MTG2: variants seen among roughly 807,000 people sequenced by gnomAD.
MTG2 encodes the protein mitochondrial ribosome-associated GTPase 2.
In MTG2, 23 loss-of-function variants were observed where a neutral mutation model predicts 28.6. That is an observed-to-expected ratio of 0.80 (90% CI 0.58 to 1.14). MTG2 has a LOEUF of 1.14. Ranked by LOEUF, MTG2 falls within the 50% of genes most tolerant of loss-of-function variation. The pLI is 0.00. For missense variants in MTG2, 539 were observed against 552.0 expected (o/e 0.98, Z 0.24); for synonymous variants, 260 against 251.8 (o/e 1.03, Z -0.31).
intron 1 of MTG2, among the ~76,000 whole-genome samples, chr20:62,185,363 GATC>G (rs1381065885): frequency 6.6e-6 from 1 of 152,126 alleles, no homozygotes; most frequent in East Asian, 1.9e-4. Context: ...AGTGAGCTGA[GATC>G]ATGCCACTGC....
intron 2 of MTG2, 61 bp from the exon 3 acceptor site, chr20:62,195,741 A>G (rs1056128439): frequency 1.9e-6 from 3 of 1,593,774 alleles, no homozygotes; most frequent in Non-Finnish European, 2.6e-6. Flanking sequence ...AAATGGATGC[A>G]TGGTGTCTTG....
At chr20:62,186,136 G>A (rs1268126618) in intron 1 of MTG2, among the ~76,000 whole-genome samples, 1 of 152,086 alleles carries the variant, frequency 6.6e-6, no homozygotes, top group East Asian at 1.9e-4. Context: ...AGCCCGAGTT[G>A]TTTTTCCCCA....
rs776112821 is a variant in MTG2, at chr20:62,200,934, C to T, written c.1078C>T (p.Arg360Trp). The T allele has an allele frequency of 2.7e-5, 43 of 1,613,948 alleles. No homozygotes were observed. In the East Asian group the frequency reaches 7.1e-4, roughly 27 times the overall value. ...PEAQANLSQL[R>W]DHLGQEVIVL... ...AGCCCAAGCCAATCTGTCCCAGCTC[C>T]GGGATCACTTGGGACAGGAGGTCAT... Residue 360 changes from arginine to tryptophan, a missense_variant, in exon 7 of 7, where the codon CGG becomes TGG. Arg to Trp is a moderately radical substitution (Grantham distance 101). Coordinates refer to ENST00000370823, the MANE Select transcript of MTG2 (RefSeq NM_015666.4).
chr20:62,185,250 A>G (rs1373529542), intron 1 of MTG2, among the ~76,000 whole-genome samples: 2 of 151,876 alleles, frequency 1.3e-5, no homozygotes, highest in Non-Finnish European at 2.9e-5. Flanking sequence ...TGTCTCTACT[A>G]AAAATACAAA....
intron 2 of MTG2, chr20:62,194,176 A>ATAT (rs768141952): frequency 6.6e-6 from 1 of 152,182 alleles, no homozygotes; most frequent in Non-Finnish European, 1.5e-5. Context: ...AAGCCTTATA[A>ATAT]GTTTTTCTTG....
At chr20:62,189,526 A>G (rs560041964) in intron 1 of MTG2, among the ~76,000 whole-genome samples, 3 of 151,308 alleles carry the variant, frequency 2.0e-5, no homozygotes, top group Admixed American at 6.6e-5. Flanking sequence ...GCTGGTCTCG[A>G]ACTCATGGCT....
chr20:62,199,186 C>T lies in MTG2; in HGVS notation c.755C>T (p.Ala252Val). Residue 252 changes from alanine to valine, a missense_variant, in exon 6 of 7, where the codon GCT becomes GTT. By Grantham distance (64) the Ala-to-Val change is moderately conservative (BLOSUM62 0). Coordinates refer to ENST00000370823, the MANE Select transcript of MTG2 (RefSeq NM_015666.4). ...RAISNARPAV[A>V]SYPFTTLKPH... Reference sequence around the variant, plus strand: ...ATTTCAAACGCCAGACCCGCCGTGGCTTCCTACCCGTTCACCACCCTGAAG... The same window carrying T: ...ATTTCAAACGCCAGACCCGCCGTGGTTTCCTACCCGTTCACCACCCTGAAG... The T allele has an allele frequency of 3.7e-6, 6 of 1,614,228 alleles. No individual in the cohort carries two copies. The highest frequency in any genetic ancestry group is 5.1e-6 in the Non-Finnish European group (6 of 1,180,046).
rs766139631 is a variant in MTG2, at chr20:62,198,734, A to T, written c.569A>T (p.Lys190Ile). The change falls in exon 5 of 7, where the codon AAA (lysine) becomes ATA (isoleucine). Residue 190 changes from lysine (K) to isoleucine (I), a missense_variant. By Grantham distance (102) the Lys-to-Ile change is moderately radical. Transcript: ENST00000370823. ...GCCGCGCTGGGCGGGGCAGGAGGGA[A>T]AGGCAACCGCTTCTTCCTGGCCAAC... ...YIAALGGAGG[K>I]GNRFFLANNN... The T allele has an allele frequency of 3.1e-6, 5 of 1,614,132 alleles. No homozygotes were observed. The highest frequency in any genetic ancestry group is 1.7e-5 in the Admixed American group (1 of 60,032).
chr20:62,193,428 C>T lies in MTG2; in HGVS notation c.8C>T (p.Pro3Leu), dbSNP rs868778442. ...TTGACTTCTGTAGGGGCCATGGCAC[C>T]TGCAAGGTGTTTCTCAGCAAGATTG... MA[P>L]ARCFSARLRT... is the part of the protein sequence containing the mutation. The change falls in exon 2 of 7, where the codon CCT becomes CTT. Residue 3 changes from proline (P) to leucine (L), a missense_variant. Transcript: ENST00000370823. The T allele has an allele frequency of 6.2e-7, 1 of 1,614,096 alleles. No individual in the cohort carries two copies. The highest frequency in any genetic ancestry group is 1.3e-5 in the African/African-American group (1 of 74,956).
chr20:62,201,112 C>T lies in MTG2; in HGVS notation c.*35C>T. 1 of 1,532,534 alleles carries T rather than the reference C, an allele frequency of 6.5e-7. No homozygotes were observed. The highest frequency in any genetic ancestry group is 8.7e-7 in the Non-Finnish European group (1 of 1,146,590). The allele number at this position is 1,532,534 out of a possible 1,614,324, so 94.9% of individuals were successfully genotyped here. On this transcript the variant is annotated 3_prime_UTR_variant, in exon 7 of 7. Transcript: ENST00000370823. ...AGCGGGGTCGCCTCTGGGCCTCTGT[C>T]TGAGCAAACCTGGGTGTGAATTCGG...
rs1225362468 is a variant in MTG2 at position 62,197,948 on chromosome 20, G to A, written c.449G>A (p.Gly150Asp). The change falls in exon 4 of 7, where the codon GGC (glycine) becomes GAC (aspartate). Residue 150 changes from glycine to aspartate, a missense_variant. Physicochemically the swap from Gly to Asp is moderately conservative, Grantham distance 94. Transcript: ENST00000370823. ...AGTAAAAACTGCTTCGGGCGCAGTG[G>A]CGCCGTCCTCTACATCCGGGTGAGC... The part of the protein sequence containing the change: ...GGSKNCFGRS[G>D]AVLYIRVPVG... The A allele has an allele frequency of 6.2e-7, 1 of 1,614,096 alleles. No homozygotes were observed. The highest frequency in any genetic ancestry group is 8.5e-7 in the Non-Finnish European group (1 of 1,179,966).
At chr20:62,184,282 T>C (rs1425095718) in intron 1 of MTG2, among the ~76,000 whole-genome samples, 1 of 151,642 alleles carries the variant, frequency 6.6e-6, no homozygotes, top group Non-Finnish European at 1.5e-5. Context: ...CGCTTGAACC[T>C]GGGAGGTGGA....
chr20:62,194,224 G>C (rs2058017831), intron 2 of MTG2, among the ~76,000 whole-genome samples: 1 of 152,014 alleles, frequency 6.6e-6, no homozygotes, highest in Non-Finnish European at 1.5e-5. Context: ...AGCATGAATT[G>C]TCTCTAATAA....
chr20:62,186,536 T>TG (rs1336489537), intron 1 of MTG2, among the ~76,000 whole-genome samples: 75 of 147,990 alleles, frequency 5.1e-4, no homozygotes, highest in African/African-American at 1.8e-3. Flanking sequence ...TTGTTTTTTT[T>TG]TTTTTTTTTT....
chr20:62,194,937 C>T (rs1035887234), intron 2 of MTG2, among the ~76,000 whole-genome samples: 1 of 152,256 alleles, frequency 6.6e-6, no homozygotes. Context: ...TGGCTCACGC[C>T]TGTAGTCCCA....
chr20:62,187,833 C>T (rs977207899), intron 1 of MTG2, among the ~76,000 whole-genome samples: 3 of 152,104 alleles, frequency 2.0e-5, no homozygotes, highest in African/African-American at 7.2e-5. Context: ...GTATTATTCT[C>T]CTCCTTCTAC....
At chr20:62,188,376 A>C (rs1349020573) in intron 1 of MTG2, among the ~76,000 whole-genome samples, 2 of 151,974 alleles carry the variant, frequency 1.3e-5, no homozygotes, top group African/African-American at 4.8e-5. Context: ...GCTCTGTCAC[A>C]CAGGCTGGAG....
chr20:62,197,137 C>G (rs1008785076), intron 3 of MTG2: 2 of 151,988 alleles, frequency 1.3e-5, no homozygotes, highest in Non-Finnish European at 2.9e-5. Context: ...TGGCTCATGC[C>G]TATAATTCCA....
intron 6 of MTG2, among the ~76,000 whole-genome samples, 184 bp downstream of exon 6, chr20:62,199,441 C>T (rs970064580): frequency 3.3e-5 from 5 of 151,866 alleles, no homozygotes; most frequent in East Asian, 3.9e-4. Flanking sequence ...GTCAGGAGAT[C>T]GACACCATCC....
Sources: gnomAD v4.1 joint callset for allele counts (sites outside exome capture counted in the v4.1 genomes callset) on GRCh38, gnomAD v4.1.1 for gene constraint, MANE v1.5 for transcripts, NCBI Gene and HGNC (gene_info 2026-07-23, HGNC 2026-07-21) for gene names.